The following EPHA6 variants were observed in gnomAD, a reference collection of about 807,000 sequenced individuals.
EPHA6 encodes the protein EPH receptor A6.
A neutral mutation model predicts 112.0 loss-of-function variants in EPHA6; 50 were observed. That is an observed-to-expected ratio of 0.45 (90% CI 0.36 to 0.56). The LOEUF is 0.56. Ranked by LOEUF, EPHA6 falls within the 20% of genes least tolerant of loss-of-function variation. EPHA6 has a pLI of 0.00. For synonymous variants in EPHA6, 529 were observed against 490.7 expected, an observed-to-expected ratio of 1.08 and a Z score of -1.03; for missense variants, 1,280 against 1,417.4, an observed-to-expected ratio of 0.90 and a Z score of 1.56.
At chr3:97,162,888 A>G (rs1054969972) in intron 3 of EPHA6, among the ~76,000 whole-genome samples, 1 of 152,166 alleles carries the variant, frequency 6.6e-6, no homozygotes, top group Non-Finnish European at 1.5e-5. Flanking sequence ...AGCCAATGTC[A>G]TAGTCCTTCT....
Position 97,147,714 on chromosome 3 carries a change from T to C in EPHA6, c.1115-78550T>C, listed in dbSNP as rs146700386. 2.9e-4 allele frequency among the ~76,000 whole-genome samples: 44 copies of C among 152,188 alleles called. No individual in the cohort carries two copies. The East Asian group carries it at 8.5e-3, about 29-fold the overall frequency. On this transcript the variant is annotated intron_variant, in intron 3 of 17. Coordinates refer to ENST00000389672, the MANE Select transcript of EPHA6 (RefSeq NM_001080448.3). ...AAAAGCAAATTGTGCAAACCCAGAC[T>C]GGGAGATGTTCTGCAGCATATCTGG...
At position 97,747,284 on chromosome 3, in the gene EPHA6, G is replaced by C. The variant is rs538076517; in HGVS notation, c.3129-139G>C. On this transcript the variant is annotated intron_variant, in intron 16 of 17. Coordinates refer to ENST00000389672, the MANE Select transcript of EPHA6 (RefSeq NM_001080448.3). ...TAAAGTGACTGATTTGAATAAGATA[G>C]AAAATCAGAGGCTTTCAAATGGAGA... is the stretch of plus-strand genomic sequence containing the variant. 83 of 715,310 alleles carry C rather than the reference G, an allele frequency of 1.2e-4. No individual in the cohort carries two copies. In the South Asian group the frequency reaches 2.5e-3, roughly 21 times the overall value. The allele number at this position is 715,310 out of a possible 1,614,324, so 44.3% of individuals were successfully genotyped here. A position where few individuals can be genotyped will look rare whatever the true frequency, so the allele number is the denominator to read the frequency against.
chr3:97,247,836 G>A (rs2108590040), intron 5 of EPHA6, among the ~76,000 whole-genome samples: 1 of 151,928 alleles, frequency 6.6e-6, no homozygotes, highest in Non-Finnish European at 1.5e-5. Flanking sequence ...TTGCTCATGA[G>A]GTCATACTTA....
chr3:97,367,377 A>C (rs1182813743), intron 5 of EPHA6, among the ~76,000 whole-genome samples: 9 of 152,042 alleles, frequency 5.9e-5, no homozygotes, highest in African/African-American at 2.2e-4. Flanking sequence ...AAGGAGAGCA[A>C]GGTCCCAGTA....
At position 97,069,620 on chromosome 3, in the gene EPHA6, T is replaced by G. The variant is rs544480862; in HGVS notation, c.1114+81627T>G. ...ATTAAGAAATAATTCCATTGAAAGA[T>G]TCACCCAAACAGCATCTGTATGGCA... On this transcript the variant is annotated intron_variant, in intron 3 of 17. Transcript: ENST00000389672. Among the ~76,000 whole-genome samples the G allele has an allele frequency of 3.0e-4, 46 of 152,252 alleles. No individual in the cohort carries two copies. The East Asian group carries it at 7.9e-3, about 26-fold the overall frequency.
chr3:96,909,626 T>C (rs192959634), intron 2 of EPHA6, among the ~76,000 whole-genome samples: 129 of 152,140 alleles, frequency 8.5e-4, no homozygotes, highest in Admixed American at 2.8e-3. Flanking sequence ...CACTGTGCTT[T>C]CTGTGTAAAT....
Position 96,987,321 on chromosome 3 carries a change from T to C in EPHA6, c.451-9T>C. On this transcript the variant is annotated splice_polypyrimidine_tract_variant and intron_variant, in intron 2 of 17. Coordinates refer to ENST00000389672, the MANE Select transcript of EPHA6 (RefSeq NM_001080448.3). ...AAAATCACTTAATTACTTTTTTCCC[T>C]TTTTGCAGTGGGATGCCATCACTGA... 6.3e-7 allele frequency: 1 copy of C among 1,576,912 alleles called. No individual in the cohort carries two copies. The highest frequency in any genetic ancestry group is 1.1e-5 in the South Asian group (1 of 87,114).
chr3:96,893,025 C>G (rs1056737130), intron 2 of EPHA6, among the ~76,000 whole-genome samples: 2 of 150,702 alleles, frequency 1.3e-5, no homozygotes. Flanking sequence ...TGCCACAAAA[C>G]CACATACATG....
chr3:97,653,971 C>T (rs1348421157), intron 14 of EPHA6, among the ~76,000 whole-genome samples: 1 of 151,728 alleles, frequency 6.6e-6, no homozygotes, highest in Non-Finnish European at 1.5e-5. Context: ...TGGTTGTTAC[C>T]AAGAGCTGCA....
intron 2 of EPHA6, among the ~76,000 whole-genome samples, chr3:96,885,253 A>T (rs1322784129): frequency 1.3e-5 from 2 of 151,996 alleles, no homozygotes; most frequent in African/African-American, 4.8e-5. Context: ...TGAATTAGGG[A>T]GGGTGGCTTC....
At chr3:97,402,425 A>G (rs1474942876) in intron 5 of EPHA6, among the ~76,000 whole-genome samples, 1 of 151,892 alleles carries the variant, frequency 6.6e-6, no homozygotes, top group Non-Finnish European at 1.5e-5. Context: ...TCTGACATAA[A>G]CTCTATTTTA....
intron 3 of EPHA6, among the ~76,000 whole-genome samples, chr3:97,166,400 A>C (rs534985118): frequency 7.9e-5 from 12 of 152,046 alleles, no homozygotes; most frequent in South Asian, 6.2e-4. Flanking sequence ...CGTGTGTATA[A>C]TGGCTTCTAT....
intron 6 of EPHA6, among the ~76,000 whole-genome samples, chr3:97,444,990 A>G (rs1477327164): frequency 6.6e-6 from 1 of 152,108 alleles, no homozygotes; most frequent in East Asian, 1.9e-4. Context: ...AGAGAACCAT[A>G]GGTAAAAGTC....
chr3:97,677,938 A>T (rs1022065075), intron 14 of EPHA6, among the ~76,000 whole-genome samples: 3 of 152,084 alleles, frequency 2.0e-5, no homozygotes, highest in Non-Finnish European at 2.9e-5. Context: ...AATTAAGGGG[A>T]CATTAATTCG....
At chr3:97,187,700 A>G (rs551885352) in intron 3 of EPHA6, among the ~76,000 whole-genome samples, 23 of 130,458 alleles carry the variant, frequency 1.8e-4, no homozygotes, top group African/African-American at 6.0e-4. Context: ...AAAGAAAGAA[A>G]GAAAGAAAGA....
intron 10 of EPHA6, among the ~76,000 whole-genome samples, chr3:97,495,620 C>T (rs1313803404): frequency 6.6e-6 from 1 of 152,106 alleles, no homozygotes; most frequent in East Asian, 1.9e-4. Flanking sequence ...ATCTCAATTA[C>T]ATCAGCTGGT....
chr3:97,361,294 T>C (rs1009692818), intron 5 of EPHA6, among the ~76,000 whole-genome samples: 6 of 152,212 alleles, frequency 3.9e-5, no homozygotes, highest in African/African-American at 1.4e-4. Context: ...AAAGTAATCT[T>C]GATCTAACAG....
intron 8 of EPHA6, among the ~76,000 whole-genome samples, chr3:97,477,033 A>C (rs1294332637): frequency 6.6e-6 from 1 of 152,164 alleles, no homozygotes; most frequent in East Asian, 1.9e-4. Flanking sequence ...TAATTTGGGC[A>C]CAACATGTTG....
intron 6 of EPHA6, among the ~76,000 whole-genome samples, chr3:97,415,623 T>C (rs2088062787): frequency 6.6e-6 from 1 of 152,076 alleles, no homozygotes. Flanking sequence ...TTTTTTACAG[T>C]CTGTATCAGA....
Sources: allele counts gnomAD v4.1 joint callset (sites outside exome capture counted in the v4.1 genomes callset), GRCh38; gene constraint gnomAD v4.1.1; transcripts MANE v1.5; gene names NCBI Gene and HGNC (gene_info 2026-07-23, HGNC 2026-07-21).